NRXN1: variants seen among roughly 807,000 people sequenced by gnomAD.
NRXN1 encodes neurexin-1.
A neutral mutation model predicts 150.9 loss-of-function variants in NRXN1; 39 were observed. That is an observed-to-expected ratio of 0.26 (90% CI 0.20 to 0.34). NRXN1 has a LOEUF of 0.34. Ranked by LOEUF, NRXN1 falls within the 10% of genes least tolerant of loss-of-function variation. The pLI is 1.00. For synonymous variants in NRXN1, 924 were observed against 757.0 expected (o/e 1.22, Z -3.62); for missense variants, 1,815 against 1,949.9 (o/e 0.93, Z 1.30).
chr2:49,937,124 G>C (rs1412281349), intron 22 of NRXN1, among the ~76,000 whole-genome samples: 1 of 152,174 alleles, frequency 6.6e-6, no homozygotes, highest in Non-Finnish European at 1.5e-5. Context: ...AATTTCTGTG[G>C]AAAGGGTGGG....
intron 5 of NRXN1, among the ~76,000 whole-genome samples, chr2:50,749,298 T>C (rs761054489): frequency 2.6e-5 from 4 of 152,120 alleles, no homozygotes; most frequent in African/African-American, 9.7e-5. Flanking sequence ...TAATCTATTC[T>C]GCATTGTTCA....
intron 21 of NRXN1, among the ~76,000 whole-genome samples, chr2:50,033,638 A>C (rs915876495): frequency 1.3e-5 from 2 of 152,126 alleles, no homozygotes; most frequent in Admixed American, 1.3e-4. Context: ...GGATCTAGTT[A>C]AACCAAAGAG....
intron 18 of NRXN1, among the ~76,000 whole-genome samples, chr2:50,114,811 A>G (rs1702816952): frequency 6.6e-6 from 1 of 152,060 alleles, no homozygotes; most frequent in South Asian, 2.1e-4. Flanking sequence ...CTGGAAAAGG[A>G]TAAACTATAG....
intron 5 of NRXN1, among the ~76,000 whole-genome samples, chr2:50,780,987 AAG>A (rs1394345490): frequency 6.6e-6 from 1 of 152,184 alleles, no homozygotes; most frequent in Non-Finnish European, 1.5e-5. Flanking sequence ...TACTACTTAA[AAG>A]GTAACAAGTT....
chr2:50,656,749 A>AAAAAAAAAAAGAC (rs1207398123), intron 5 of NRXN1, among the ~76,000 whole-genome samples: 4 of 141,074 alleles, frequency 2.8e-5, no homozygotes, highest in African/African-American at 1.1e-4. Flanking sequence ...GCTTACAAAG[A>AAAAAAAAAAAGAC]AAAAAAAAAA....
At chr2:50,727,596 T>G (rs1697547802) in intron 5 of NRXN1, among the ~76,000 whole-genome samples, 1 of 152,152 alleles carries the variant, frequency 6.6e-6, no homozygotes, top group Non-Finnish European at 1.5e-5. Flanking sequence ...TAAAAAAACC[T>G]AACACCTAGA....
At chr2:50,676,639 A>T (rs1689585744) in intron 5 of NRXN1, among the ~76,000 whole-genome samples, 1 of 152,164 alleles carries the variant, frequency 6.6e-6, no homozygotes, top group Non-Finnish European at 1.5e-5. Flanking sequence ...ACCATTCAGT[A>T]AATGTTAGCT....
chr2:50,625,091 G>GC (rs1206780662), intron 5 of NRXN1: 6 of 151,822 alleles, frequency 4.0e-5, no homozygotes, highest in African/African-American at 1.5e-4. Context: ...TCACTATTAT[G>GC]CCCCCGAGAG....
chr2:50,583,935 A>G (rs1406477466), intron 8 of NRXN1, among the ~76,000 whole-genome samples: 1 of 152,194 alleles, frequency 6.6e-6, no homozygotes, highest in Non-Finnish European at 1.5e-5. Context: ...CCTTGACCCC[A>G]AGTGACTAGT....
At chr2:50,405,830 A>T (rs2082716371) in intron 17 of NRXN1, among the ~76,000 whole-genome samples, 1 of 152,160 alleles carries the variant, frequency 6.6e-6, no homozygotes, top group African/African-American at 2.4e-5. Context: ...ATTACAGGAA[A>T]AATAATAATA....
intron 5 of NRXN1, among the ~76,000 whole-genome samples, chr2:50,784,612 CG>C (rs1704830633): frequency 6.6e-6 from 1 of 152,016 alleles, no homozygotes; most frequent in Non-Finnish European, 1.5e-5. Context: ...TGGACATAAT[CG>C]GAAGCTTAAA....
chr2:50,615,686 T>C (rs1013504477), intron 8 of NRXN1: 4 of 152,146 alleles, frequency 2.6e-5, no homozygotes, highest in African/African-American at 7.2e-5. Context: ...ACCTGAAGAA[T>C]TAACTGTAAG....
At chr2:50,876,100 T>C (rs1678551700) in intron 5 of NRXN1, among the ~76,000 whole-genome samples, 1 of 151,834 alleles carries the variant, frequency 6.6e-6, no homozygotes, top group Non-Finnish European at 1.5e-5. Context: ...CAGCCCCTCC[T>C]GGATTGTAAC....
intron 8 of NRXN1, among the ~76,000 whole-genome samples, chr2:50,597,999 C>A (rs979851413): frequency 6.6e-6 from 1 of 151,998 alleles, no homozygotes; most frequent in South Asian, 2.1e-4. Flanking sequence ...ATTACCCGGG[C>A]ATGGTGGCAG....
chr2:50,252,258 C>CTTTTTTTTTTTTTTTT (rs143522284), intron 17 of NRXN1, among the ~76,000 whole-genome samples: 1 of 69,724 alleles, frequency 1.4e-5, no homozygotes. Flanking sequence ...TTTTTCTTTT[C>CTTTTTTTTTTTTTTTT]TTTTTTTTTT....
intron 5 of NRXN1, among the ~76,000 whole-genome samples, chr2:50,805,491 T>G (rs1667396378): frequency 6.6e-6 from 1 of 151,850 alleles, no homozygotes; most frequent in African/African-American, 2.4e-5. Context: ...CCATCATTAC[T>G]AAAAAAATAC....
In NRXN1 at chr2:50,472,291, C is replaced by A. The variant is rs373064485; in HGVS notation, c.3244+7G>T. ...TTATTTAGAGCATGATGACAAAAAT[C>A]TAATACCTTCACATCCTCTCTCGAT... On this transcript the variant is annotated splice_region_variant and intron_variant, in intron 16 of 22. Transcript: ENST00000401669. The A allele has an allele frequency of 1.9e-6, 3 of 1,553,280 alleles. No homozygotes were observed. The highest frequency in any genetic ancestry group is 1.9e-5 in the Admixed American group (1 of 52,786).
At chr2:50,838,426 C>T (rs574181757) in intron 5 of NRXN1, among the ~76,000 whole-genome samples, 2 of 152,134 alleles carry the variant, frequency 1.3e-5, no homozygotes, top group South Asian at 2.1e-4. Context: ...GAATTCCAGC[C>T]ATGTAGGACC....
intron 2 of NRXN1, among the ~76,000 whole-genome samples, chr2:51,022,233 C>A (rs145459562): frequency 1.8e-4 from 28 of 152,144 alleles, no homozygotes; most frequent in African/African-American, 6.7e-4. Context: ...ATGTGCCAGG[C>A]ACTAATCTAA....
Sources: allele counts gnomAD v4.1 joint callset (sites outside exome capture counted in the v4.1 genomes callset), GRCh38; gene constraint gnomAD v4.1.1; transcripts MANE v1.5; gene names NCBI Gene and HGNC (gene_info 2026-07-23, HGNC 2026-07-21).